The following PRR5L variants were observed in gnomAD, a reference collection of about 807,000 sequenced individuals.
The protein encoded by PRR5L is proline-rich protein 5-like.
In PRR5L, 21 loss-of-function variants were observed where a neutral mutation model predicts 36.4. The ratio of observed to expected loss-of-function variants is 0.58; its 90% CI spans 0.41 to 0.83. The LOEUF (loss-of-function observed/expected upper bound fraction) is 0.83, where lower values mean the gene tolerates loss of function less well. Among genes scored for constraint, PRR5L ranks in the 40% least tolerant of loss-of-function variants. The probability of loss-of-function intolerance (pLI) is 0.00; values close to 1 mark genes in which losing one functional copy is unlikely to be tolerated. For missense variants in PRR5L, 381 were observed against 473.3 expected (o/e 0.80, Z 1.81); for synonymous variants, 188 against 197.0 (o/e 0.95, Z 0.38).
chr11:36,352,910 A>T (rs1471671073), intron 1 of PRR5L, among the ~76,000 whole-genome samples: 4 of 152,220 alleles, frequency 2.6e-5, no homozygotes, highest in African/African-American at 9.7e-5. Flanking sequence ...TGTGGGTCAC[A>T]TAGATTTCTG....
chr11:36,351,117 A>G lies in PRR5L; in HGVS notation c.-125-49880A>G, dbSNP rs866400645. 2.0e-3 allele frequency among the ~76,000 whole-genome samples: 223 copies of G among 111,536 alleles called. 2 individuals carry two copies. The highest frequency in any genetic ancestry group is 3.2e-3 in the Non-Finnish European group (195 of 60,432). The allele number at this position is 111,536 out of a possible 152,430, so 73.2% of individuals were successfully genotyped here. On this transcript the variant is annotated intron_variant, in intron 1 of 8. Transcript: ENST00000530639. ...TTTATATATAAATATATATTTATAA[A>G]TATATGTATTTTATATATAAATATA...
intron 1 of PRR5L, among the ~76,000 whole-genome samples, chr11:36,355,184 G>A (rs1340062991): frequency 1.3e-5 from 2 of 152,202 alleles, no homozygotes; most frequent in African/African-American, 4.8e-5. Context: ...CTTTAAGGAA[G>A]GATGTCCAAG....
intron 7 of PRR5L, among the ~76,000 whole-genome samples, chr11:36,447,965 G>A (rs1381143292): frequency 2.0e-5 from 3 of 152,160 alleles, no homozygotes; most frequent in Non-Finnish European, 4.4e-5. Context: ...AGGAAAATTC[G>A]GAAAGTTGGG....
intron 1 of PRR5L, among the ~76,000 whole-genome samples, chr11:36,396,821 C>T (rs1857669627): frequency 6.6e-6 from 1 of 152,114 alleles, no homozygotes; most frequent in Non-Finnish European, 1.5e-5. Flanking sequence ...ACTCCTCTTG[C>T]CCCATCAAAT....
chr11:36,339,794 T>C (rs1351356086), intron 1 of PRR5L, among the ~76,000 whole-genome samples: 1 of 152,236 alleles, frequency 6.6e-6, no homozygotes, highest in African/African-American at 2.4e-5. Flanking sequence ...TTATTTAAAA[T>C]ATCCATCCAC....
At chr11:36,327,376 A>C (rs886221771) in intron 1 of PRR5L, among the ~76,000 whole-genome samples, 1 of 152,168 alleles carries the variant, frequency 6.6e-6, no homozygotes, top group African/African-American at 2.4e-5. Flanking sequence ...TCAAACAGAG[A>C]TCCTAAGACT....
At chr11:36,452,962 T>C (rs1295830399) in intron 8 of PRR5L, among the ~76,000 whole-genome samples, 1 of 152,218 alleles carries the variant, frequency 6.6e-6, no homozygotes, top group South Asian at 2.1e-4. Flanking sequence ...CCAGCTTATA[T>C]AGCATCTTCA....
chr11:36,331,538 A>G (rs1277369174), intron 1 of PRR5L, among the ~76,000 whole-genome samples: 2 of 152,236 alleles, frequency 1.3e-5, no homozygotes, highest in East Asian at 3.8e-4. Flanking sequence ...TCCTCAGTAG[A>G]TTATTCAAAA....
chr11:36,392,245 T>G lies in PRR5L; in HGVS notation c.-125-8752T>G, dbSNP rs1375171836. 7.9e-5 allele frequency among the ~76,000 whole-genome samples: 12 copies of G among 152,206 alleles called. 1 individual carries two copies. The East Asian group carries it at 1.9e-3, about 24-fold the overall frequency. On this transcript the variant is annotated intron_variant, in intron 1 of 8. Coordinates refer to ENST00000530639, the MANE Select transcript of PRR5L (RefSeq NM_001160167.2). ...ATGGACACTTAGATTGCATACAGAT[T>G]TTGGCTATTTTGAATAGTGCTGCAA...
At chr11:36,351,620 T>C (rs1372764779) in intron 1 of PRR5L, among the ~76,000 whole-genome samples, 1 of 23,534 alleles carries the variant, frequency 4.2e-5, no homozygotes, top group Non-Finnish European at 6.9e-5. Flanking sequence ...TTTATATATT[T>C]ATATATTTAT....
intron 1 of PRR5L, among the ~76,000 whole-genome samples, chr11:36,346,121 C>T (rs1031078103): frequency 6.6e-6 from 1 of 151,856 alleles, no homozygotes; most frequent in African/African-American, 2.4e-5. Context: ...AAAAATAAAT[C>T]CATCTTTTGA....
At position 36,434,123 on chromosome 11, in the gene PRR5L, A is replaced by G. The variant is rs564332794; in HGVS notation, c.352+2213A>G. Among the ~76,000 whole-genome samples, 16 of 152,322 alleles carry G rather than the reference A, an allele frequency of 1.1e-4. No homozygotes were observed. The South Asian group carries it at 3.3e-3, about 32-fold the overall frequency. Reference sequence around the variant, plus strand: ...TGAAAACTCAGAAATGGGGCTAGACAGGATGAACAAAGTTCATCCAAGATT... The same window carrying G: ...TGAAAACTCAGAAATGGGGCTAGACGGGATGAACAAAGTTCATCCAAGATT... On this transcript the variant is annotated intron_variant, in intron 5 of 8. Transcript: ENST00000530639.
chr11:36,436,821 C>G (rs1858615291), intron 5 of PRR5L, among the ~76,000 whole-genome samples: 1 of 152,152 alleles, frequency 6.6e-6, no homozygotes, highest in African/African-American at 2.4e-5. Context: ...GTATTAGAGT[C>G]TAGTCATGAG....
In PRR5L at chr11:36,462,895, T is replaced by C; in HGVS notation, c.*159T>C. Reference sequence around the variant, plus strand: ...AAATGACCTAAGGGGAAACCGTTGTTGTAAACCTCTTTATTTTGGTGACTG... The same window carrying C: ...AAATGACCTAAGGGGAAACCGTTGTCGTAAACCTCTTTATTTTGGTGACTG... On this transcript the variant is annotated 3_prime_UTR_variant, in exon 9 of 9. Transcript: ENST00000530639. 1 of 633,356 alleles carries C rather than the reference T, an allele frequency of 1.6e-6. No individual in the cohort carries two copies. The highest frequency in any genetic ancestry group is 2.4e-6 in the Non-Finnish European group (1 of 408,282). 39.2% of individuals were successfully genotyped at this position (633,356 alleles called of 1,614,324 possible).
chr11:36,458,147 G>A (rs557794740), intron 8 of PRR5L, among the ~76,000 whole-genome samples: 2 of 152,346 alleles, frequency 1.3e-5, no homozygotes, highest in East Asian at 1.9e-4. Flanking sequence ...TCTCCAAAGA[G>A]GGGCGCCAGT....
At chr11:36,452,788 A>G (rs1424802845) in intron 8 of PRR5L, among the ~76,000 whole-genome samples, 1 of 152,200 alleles carries the variant, frequency 6.6e-6, no homozygotes, top group Admixed American at 6.5e-5. Flanking sequence ...GTAGAGGAAG[A>G]AAAACAGTTT....
chr11:36,372,996 G>GTA (rs1469773974), intron 1 of PRR5L, among the ~76,000 whole-genome samples: 1 of 151,870 alleles, frequency 6.6e-6, no homozygotes, highest in Admixed American at 6.6e-5. Context: ...GTGTGTGTGT[G>GTA]TGTGTGTGTG....
chr11:36,324,064 A>G (rs2133466375), intron 1 of PRR5L, among the ~76,000 whole-genome samples: 1 of 152,330 alleles, frequency 6.6e-6, no homozygotes. Context: ...CCCAAGAGAA[A>G]TGGGTGTATA....
chr11:36,338,504 T>C (rs1178138630), intron 1 of PRR5L, among the ~76,000 whole-genome samples: 1 of 152,212 alleles, frequency 6.6e-6, no homozygotes, highest in Non-Finnish European at 1.5e-5. Context: ...GGATTTCTCT[T>C]CTTTGGATTA....
Sources: allele counts gnomAD v4.1 joint callset (sites outside exome capture counted in the v4.1 genomes callset), GRCh38; gene constraint gnomAD v4.1.1; transcripts MANE v1.5; gene names NCBI Gene and HGNC (gene_info 2026-07-23, HGNC 2026-07-21).